PBX1: variants seen among roughly 807,000 people sequenced by gnomAD.
The protein encoded by PBX1 is pre-B-cell leukemia transcription factor 1.
Under a neutral mutation model 53.4 loss-of-function variants are expected in PBX1, and 6 were observed. That is an observed-to-expected ratio of 0.11 (90% CI 0.06 to 0.22). The LOEUF (loss-of-function observed/expected upper bound fraction) is 0.22. PBX1 is among the 10% of genes least tolerant of loss of function. The pLI is 1.00. For synonymous variants in PBX1, 204 were observed against 212.3 expected (o/e 0.96, Z 0.34); for missense variants, 251 against 551.4 (o/e 0.46, Z 5.46).
intron 2 of PBX1, among the ~76,000 whole-genome samples, chr1:164,632,536 C>T (rs1032215359): frequency 6.6e-6 from 1 of 152,136 alleles, no homozygotes; most frequent in African/African-American, 2.4e-5. Context: ...TATATAGTTT[C>T]ATAATCCATG....
chr1:164,732,020 C>G (rs1438578946), intron 2 of PBX1, among the ~76,000 whole-genome samples: 1 of 152,110 alleles, frequency 6.6e-6, no homozygotes, highest in African/African-American at 2.4e-5. Context: ...AGAACAGGGA[C>G]AATGTTGGGG....
chr1:164,662,945 GTTA>G (rs1660570913), intron 2 of PBX1, among the ~76,000 whole-genome samples: 1 of 151,962 alleles, frequency 6.6e-6, no homozygotes, highest in South Asian at 2.1e-4. Flanking sequence ...TATTGTGAGG[GTTA>G]TTATAAAGAA....
intron 2 of PBX1, among the ~76,000 whole-genome samples, chr1:164,677,178 C>T (rs1395004538): frequency 6.6e-5 from 10 of 151,474 alleles, no homozygotes; most frequent in Non-Finnish European, 1.3e-4. Context: ...CTGCAAGCTC[C>T]GCTTCCCGGG....
At chr1:164,611,649 CCTGGA>C (rs1344483573) in intron 2 of PBX1, among the ~76,000 whole-genome samples, 1 of 151,788 alleles carries the variant, frequency 6.6e-6, no homozygotes, top group Non-Finnish European at 1.5e-5. Flanking sequence ...AAAATTGGCT[CCTGGA>C]CTTTGCCATC....
At chr1:164,618,089 A>G (rs1657402520) in intron 2 of PBX1, among the ~76,000 whole-genome samples, 1 of 152,170 alleles carries the variant, frequency 6.6e-6, no homozygotes, top group Non-Finnish European at 1.5e-5. Flanking sequence ...CTTTTCTAGA[A>G]AGCGTTTGCC....
intron 2 of PBX1, chr1:164,590,409 A>G (rs1210297654): frequency 1.5e-5 from 7 of 455,726 alleles, no homozygotes; most frequent in South Asian, 7.7e-5. Context: ...CTTCTTCCCA[A>G]TCGCCGCCGC....
At chr1:164,581,381 C>T (rs969253357) in intron 2 of PBX1, among the ~76,000 whole-genome samples, 4 of 152,030 alleles carry the variant, frequency 2.6e-5, no homozygotes, top group African/African-American at 4.8e-5. Context: ...GCACGGGCCA[C>T]CGCGCCTGGC....
chr1:164,572,900 A>T (rs1653972045), intron 2 of PBX1, among the ~76,000 whole-genome samples: 1 of 152,082 alleles, frequency 6.6e-6, no homozygotes, highest in African/African-American at 2.4e-5. Context: ...TTAGAGGTTC[A>T]CTAACATGCT....
intron 2 of PBX1, among the ~76,000 whole-genome samples, chr1:164,866,481 A>G (rs1422834162): frequency 2.6e-5 from 4 of 152,246 alleles, no homozygotes; most frequent in Non-Finnish European, 4.4e-5. Flanking sequence ...ACCCAAAGCC[A>G]CTGTGCCAAG....
chr1:164,862,079 CGT>C (rs1197975557), intron 2 of PBX1, among the ~76,000 whole-genome samples: 2 of 152,042 alleles, frequency 1.3e-5, no homozygotes, highest in African/African-American at 4.8e-5. Flanking sequence ...TAAGTTTTAA[CGT>C]GTGACTCTGG....
intron 2 of PBX1, among the ~76,000 whole-genome samples, chr1:164,596,197 G>A (rs1655743518): frequency 1.3e-5 from 2 of 151,428 alleles, no homozygotes; most frequent in African/African-American, 4.9e-5. Flanking sequence ...TATTTTCTGT[G>A]CAGAAAGGTT....
intron 2 of PBX1, among the ~76,000 whole-genome samples, chr1:164,723,709 T>G (rs1003466744): frequency 2.8e-4 from 43 of 152,202 alleles, no homozygotes; most frequent in African/African-American, 9.6e-4. Context: ...GCCGGAAGCT[T>G]AATTTTATTA....
At chr1:164,650,609 T>C (rs1444504324) in intron 2 of PBX1, among the ~76,000 whole-genome samples, 2 of 152,172 alleles carry the variant, frequency 1.3e-5, no homozygotes, top group African/African-American at 4.8e-5. Flanking sequence ...TAGAGAGCCA[T>C]CATAGTCCCT....
chr1:164,699,925 A>C (rs912005033), intron 2 of PBX1, among the ~76,000 whole-genome samples: 4 of 152,178 alleles, frequency 2.6e-5, no homozygotes, highest in African/African-American at 4.8e-5. Flanking sequence ...GAAACATTAT[A>C]GACTGTTACT....
intron 2 of PBX1, among the ~76,000 whole-genome samples, chr1:164,622,947 T>A (rs1272750227): frequency 1.3e-5 from 2 of 151,610 alleles, no homozygotes; most frequent in Non-Finnish European, 2.9e-5. Context: ...CCCAAGTAGC[T>A]GGGACTACAG....
intron 2 of PBX1, among the ~76,000 whole-genome samples, chr1:164,584,854 C>G (rs943583457): frequency 6.6e-6 from 1 of 152,098 alleles, no homozygotes; most frequent in Admixed American, 6.6e-5. Context: ...ACAGTTTGGC[C>G]TGTCTCTTCT....
intron 4 of PBX1, among the ~76,000 whole-genome samples, chr1:164,801,538 C>G (rs971659272): frequency 1.3e-5 from 2 of 151,494 alleles, no homozygotes; most frequent in Non-Finnish European, 1.5e-5. Flanking sequence ...GAATTATTGT[C>G]TCATTGGATA....
chr1:164,848,176 T>C lies in PBX1; in HGVS notation c.*1500T>C, dbSNP rs909480204. 38 of 1,049,592 alleles carry C rather than the reference T, an allele frequency of 3.6e-5. No individual in the cohort carries two copies. The highest frequency in any genetic ancestry group is 3.9e-5 in the Non-Finnish European group (34 of 869,492). The allele number at this position is 1,049,592 out of a possible 1,614,324, so 65.0% of individuals were successfully genotyped here. A position where few individuals can be genotyped will look rare whatever the true frequency, so the allele number is the denominator to read the frequency against. On this transcript the variant is annotated 3_prime_UTR_variant, in exon 9 of 9. Coordinates refer to ENST00000420696, the MANE Select transcript of PBX1 (RefSeq NM_002585.4). ...TTGAAATCATCACAGTGATTTTTAT[T>C]CCCTGGGAACACAGCGTGTACTAAA... is the stretch of plus-strand genomic sequence containing the variant.
intron 2 of PBX1, among the ~76,000 whole-genome samples, chr1:164,701,398 G>A (rs950972929): frequency 6.6e-6 from 1 of 152,184 alleles, no homozygotes; most frequent in South Asian, 2.1e-4. Context: ...AGTGTGATGG[G>A]GTTCAGCAGG....
Sources: allele counts gnomAD v4.1 joint callset (sites outside exome capture counted in the v4.1 genomes callset), GRCh38; gene constraint gnomAD v4.1.1; transcripts MANE v1.5; gene names NCBI Gene and HGNC (gene_info 2026-07-23, HGNC 2026-07-21).